Variants in PKIA observed in about 807,000 individuals in gnomAD.
PKIA encodes cAMP-dependent protein kinase inhibitor alpha.
In PKIA, 4 loss-of-function variants were observed where a neutral mutation model predicts 7.6. The observed-to-expected ratio is 0.52, with a 90% CI of 0.26 to 1.20. The LOEUF (loss-of-function observed/expected upper bound fraction) is 1.20. Among genes scored for constraint, PKIA ranks in the 50% most tolerant of loss-of-function variants. The pLI is 0.13. For synonymous variants in PKIA, 21 were observed against 30.7 expected (o/e 0.68, Z 1.04); for missense variants, 73 against 86.2 (o/e 0.85, Z 0.61).
At chr8:78,573,255 A>T (rs1807596406) in intron 2 of PKIA, among the ~76,000 whole-genome samples, 1 of 152,054 alleles carries the variant, frequency 6.6e-6, no homozygotes, top group African/African-American at 2.4e-5. Flanking sequence ...TTTAAAACAA[A>T]TCATTTTCGT....
In PKIA at chr8:78,535,673, T is replaced by C. The variant is rs139764519; in HGVS notation, c.-157+19205T>C. 4.3e-3 allele frequency: 655 copies of C among 152,178 alleles called. 2 individuals are homozygous for C. The highest frequency in any genetic ancestry group is 0.015 in the African/African-American group (630 of 41,524). The allele number at this position is 152,178 out of a possible 1,614,324, so 9.4% of individuals were successfully genotyped here. ...TGCTCAGGAACCTATCGAAAGTACA[T>C]TCAGCCCTCCGAATCTGGGGTTCTG... On this transcript the variant is annotated intron_variant, in intron 1 of 3. Transcript: ENST00000396418.
At chr8:78,549,337 C>T (rs1056032989) in intron 1 of PKIA, among the ~76,000 whole-genome samples, 8 of 151,680 alleles carry the variant, frequency 5.3e-5, no homozygotes, top group Admixed American at 6.6e-5. Context: ...CAGATATGCA[C>T]ACTAAAAGGC....
chr8:78,544,530 C>T (rs1441518149), intron 1 of PKIA, among the ~76,000 whole-genome samples: 1 of 152,192 alleles, frequency 6.6e-6, no homozygotes, highest in Non-Finnish European at 1.5e-5. Context: ...AGTGCCTACA[C>T]TGCACCTAGC....
chr8:78,521,735 C>T (rs868412618), intron 1 of PKIA, among the ~76,000 whole-genome samples: 2 of 151,664 alleles, frequency 1.3e-5, no homozygotes, highest in South Asian at 2.1e-4. Context: ...GTAAAATATA[C>T]GTAACATTTA....
chr8:78,561,029 A>G (rs138083070), intron 1 of PKIA, among the ~76,000 whole-genome samples: 25 of 152,322 alleles, frequency 1.6e-4, no homozygotes, highest in Non-Finnish European at 3.2e-4. Flanking sequence ...AGAAAAATCC[A>G]TAAATAAACA....
intron 1 of PKIA, among the ~76,000 whole-genome samples, chr8:78,542,949 C>A (rs993204851): frequency 6.6e-6 from 1 of 152,096 alleles, no homozygotes; most frequent in Non-Finnish European, 1.5e-5. Flanking sequence ...ATTTCAGCAG[C>A]GAGAACTTCC....
At chr8:78,522,973 G>A (rs1809445433) in intron 1 of PKIA, among the ~76,000 whole-genome samples, 2 of 151,734 alleles carry the variant, frequency 1.3e-5, no homozygotes, top group Admixed American at 1.3e-4. Context: ...CAAAATATTT[G>A]GCGTATGTGA....
At chr8:78,565,568 G>GC (rs1807387747) in intron 1 of PKIA, among the ~76,000 whole-genome samples, 1 of 151,936 alleles carries the variant, frequency 6.6e-6, no homozygotes, top group Non-Finnish European at 1.5e-5. Flanking sequence ...TGCATAGTTA[G>GC]AAGCTCCTAA....
At chr8:78,518,129 A>C (rs528424658) in intron 1 of PKIA, among the ~76,000 whole-genome samples, 1 of 152,346 alleles carries the variant, frequency 6.6e-6, no homozygotes, top group South Asian at 2.1e-4. Flanking sequence ...TACAAAATGC[A>C]CTTTAGAAAG....
At chr8:78,522,256 T>C (rs1440545769) in intron 1 of PKIA, among the ~76,000 whole-genome samples, 5 of 151,906 alleles carry the variant, frequency 3.3e-5, no homozygotes, top group Non-Finnish European at 5.9e-5. Context: ...TCAAAACCCA[T>C]TGAAAAACAT....
chr8:78,536,692 G>A (rs1425312224), intron 1 of PKIA, among the ~76,000 whole-genome samples: 2 of 151,884 alleles, frequency 1.3e-5, no homozygotes, highest in Admixed American at 1.3e-4. Flanking sequence ...TGAACTTTGG[G>A]AAAGCATATA....
rs937959057 is a variant in PKIA, at chr8:78,601,785, G to A, written c.195G>A (p.Gly65=). Residue 65 remains glycine, a synonymous_variant, in exon 4 of 4, where the codon GGG becomes GGA. Transcript: ENST00000396418. ...DAQRSSTEQS[G]EAQGEAAKSE... Reference sequence around the variant, plus strand: ...AACGAAGTTCTACAGAACAAAGTGGGGAAGCCCAGGGAGAAGCAGCAAAAT... The same window carrying A: ...AACGAAGTTCTACAGAACAAAGTGGAGAAGCCCAGGGAGAAGCAGCAAAAT... 1.5e-5 allele frequency: 24 copies of A among 1,612,270 alleles called. No homozygotes were observed. Among genetic ancestry groups the A allele is most frequent in the Non-Finnish European group, 1.9e-5 (22 of 1,178,962 alleles).
chr8:78,548,908 G>T (rs1433109745), intron 1 of PKIA, among the ~76,000 whole-genome samples: 2 of 151,972 alleles, frequency 1.3e-5, no homozygotes, highest in East Asian at 3.9e-4. Context: ...AGATAATAAA[G>T]TACATTCTAA....
intron 2 of PKIA, among the ~76,000 whole-genome samples, chr8:78,592,152 A>G (rs1225488091): frequency 6.6e-6 from 1 of 152,112 alleles, no homozygotes; most frequent in Admixed American, 6.6e-5. Context: ...GGCAGGTAAA[A>G]ATATCTATTT....
intron 2 of PKIA, among the ~76,000 whole-genome samples, chr8:78,590,704 G>A (rs1298033947): frequency 2.0e-5 from 3 of 151,614 alleles, no homozygotes; most frequent in Non-Finnish European, 2.9e-5. Context: ...TATATAAAGT[G>A]TAATGGGTTT....
rs567488098 is a variant in PKIA at position 78,583,003 on chromosome 8, C to G, written c.-28+10064C>G. Among the ~76,000 whole-genome samples the G allele has an allele frequency of 7.2e-5, 11 of 152,288 alleles. 1 individual carries two copies. The South Asian group carries it at 2.3e-3, about 32-fold the overall frequency. ...AAATGAAAAACTTCTCTTTAACTCTCAGAAACCTGGGCACTTATTTAGTTA... is the reference window on the plus strand; with the variant it reads ...AAATGAAAAACTTCTCTTTAACTCTGAGAAACCTGGGCACTTATTTAGTTA... On this transcript the variant is annotated intron_variant, in intron 2 of 3. Transcript: ENST00000396418.
intron 1 of PKIA, among the ~76,000 whole-genome samples, chr8:78,566,900 G>A (rs1042368058): frequency 4.6e-5 from 7 of 152,194 alleles, no homozygotes; most frequent in African/African-American, 1.7e-4. Context: ...TTTATTCAGT[G>A]AGTTCTTCCA....
At chr8:78,594,577 C>A (rs551185738) in intron 2 of PKIA, among the ~76,000 whole-genome samples, 2 of 152,216 alleles carry the variant, frequency 1.3e-5, no homozygotes, top group South Asian at 4.1e-4. Context: ...ATGCATGTTC[C>A]TATGTTTTTC....
intron 2 of PKIA, among the ~76,000 whole-genome samples, chr8:78,580,607 T>A (rs1481677830): frequency 6.6e-6 from 1 of 151,990 alleles, no homozygotes. Context: ...GACATCTACA[T>A]GGGGAAGTGG....
Sources: allele counts gnomAD v4.1 joint callset (sites outside exome capture counted in the v4.1 genomes callset), GRCh38; gene constraint gnomAD v4.1.1; transcripts MANE v1.5; gene names NCBI Gene and HGNC (gene_info 2026-07-23, HGNC 2026-07-21).